SYT16: variants seen among roughly 807,000 people sequenced by gnomAD.
The protein encoded by SYT16 is synaptotagmin 16, also known as synaptotagmin-16.
In SYT16, 42 loss-of-function variants were observed where a neutral mutation model predicts 61.4. The ratio of observed to expected loss-of-function variants is 0.68; its 90% CI spans 0.53 to 0.89. SYT16 has a LOEUF of 0.89. Ranked by LOEUF, SYT16 falls within the 40% of genes least tolerant of loss-of-function variation. The probability of loss-of-function intolerance (pLI) is 0.00; values close to 1 mark genes in which losing one functional copy is unlikely to be tolerated. For synonymous variants in SYT16, 314 were observed against 302.3 expected (o/e 1.04, Z -0.40); for missense variants, 804 against 807.3 (o/e 1.00, Z 0.05).
At chr14:61,951,615 A>C (rs2761861) in intron 1 of SYT16, among the ~76,000 whole-genome samples, 54,154 of 151,856 alleles carry the variant, frequency 0.36, 10,556 homozygotes, top group African/African-American at 0.49. Flanking sequence ...AAGTAGACTT[A>C]TCTCTCAATC....
intron 1 of SYT16, among the ~76,000 whole-genome samples, chr14:61,878,253 G>A (rs888645152): frequency 6.6e-6 from 1 of 152,160 alleles, no homozygotes; most frequent in African/African-American, 2.4e-5. Flanking sequence ...TTCTCAGTAT[G>A]TTTTAAACAT....
Position 61,950,853 on chromosome 14 carries a change from C to T in SYT16, c.-324-19279C>T, listed in dbSNP as rs2050641842. 4.6e-5 allele frequency among the ~76,000 whole-genome samples: 7 copies of T among 152,096 alleles called. No individual in the cohort carries two copies. In the South Asian group the frequency reaches 1.2e-3, roughly 27 times the overall value. Reference sequence around the variant, plus strand: ...ACTTCTAGTAGAGAAATCTGAGAATCGATTAGAATCCCATCTGTTTTGGAA... The same window carrying T: ...ACTTCTAGTAGAGAAATCTGAGAATTGATTAGAATCCCATCTGTTTTGGAA... On this transcript the variant is annotated intron_variant, in intron 1 of 7. Transcript: ENST00000683842.
chr14:61,910,347 T>G (rs1482178604), intron 1 of SYT16, among the ~76,000 whole-genome samples: 2 of 151,302 alleles, frequency 1.3e-5, no homozygotes, highest in Non-Finnish European at 2.9e-5. Context: ...CAAGCAATTC[T>G]CCTGCCTCAG....
intron 3 of SYT16, among the ~76,000 whole-genome samples, chr14:62,019,986 AT>A (rs2053850332): frequency 6.6e-6 from 1 of 152,100 alleles, no homozygotes; most frequent in Non-Finnish European, 1.5e-5. Flanking sequence ...TCTTTTTTAA[AT>A]TTTTAAATAA....
chr14:61,971,960 G>A (rs865968978), intron 2 of SYT16, among the ~76,000 whole-genome samples: 8 of 152,222 alleles, frequency 5.3e-5, no homozygotes, highest in African/African-American at 1.9e-4. Context: ...GTGGTATGAA[G>A]GTAGGATTCA....
In SYT16 at chr14:62,079,923, G is replaced by A. The variant is rs556675166; in HGVS notation, c.994-911G>A. ...TTTGAGAATAGGTAGCACCAGTCCA[G>A]TGGTGGGAATAGATATTTATGCAGT... On this transcript the variant is annotated intron_variant, in intron 5 of 7. Transcript: ENST00000683842. 9.2e-5 allele frequency among the ~76,000 whole-genome samples: 14 copies of A among 152,322 alleles called. No homozygotes were observed. The South Asian group carries it at 2.7e-3, about 29-fold the overall frequency.
chr14:62,071,748 AAACATTGTTTTGT>A (rs1481993281), intron 4 of SYT16, among the ~76,000 whole-genome samples: 1 of 152,172 alleles, frequency 6.6e-6, no homozygotes, highest in African/African-American at 2.4e-5. Context: ...ATTCCACTGT[AAACATTGTTTTGT>A]AAGATCAAAT....
chr14:61,921,620 T>C (rs925182824), intron 1 of SYT16, among the ~76,000 whole-genome samples: 1 of 152,236 alleles, frequency 6.6e-6, no homozygotes. Context: ...GCTTCTGCTC[T>C]GAGCCCTGGT....
intron 6 of SYT16, among the ~76,000 whole-genome samples, chr14:62,081,924 A>G (rs1029301314): frequency 6.6e-6 from 1 of 152,138 alleles, no homozygotes; most frequent in Non-Finnish European, 1.5e-5. Flanking sequence ...TCATTCAGAG[A>G]TGTTTACTGT....
At chr14:62,036,807 G>A (rs1255528671) in intron 3 of SYT16, among the ~76,000 whole-genome samples, 1 of 152,090 alleles carries the variant, frequency 6.6e-6, no homozygotes, top group African/African-American at 2.4e-5. Flanking sequence ...ATGACACATG[G>A]GGATTATGGG....
chr14:61,856,098 G>A (rs901782607), intron 1 of SYT16, among the ~76,000 whole-genome samples: 4 of 152,250 alleles, frequency 2.6e-5, no homozygotes, highest in African/African-American at 9.6e-5. Flanking sequence ...CAGGAGGAGG[G>A]AGGTTAGAGA....
chr14:62,100,275 T>G (rs1356268462), intron 7 of SYT16, 119 bp from the exon 8 acceptor site: 1 of 833,778 alleles, frequency 1.2e-6, no homozygotes, highest in Non-Finnish European at 1.8e-6. Flanking sequence ...TTAAGGATAC[T>G]GATCAGTATG....
intron 7 of SYT16, among the ~76,000 whole-genome samples, chr14:62,096,418 C>A (rs549533606): frequency 1.1e-4 from 17 of 151,820 alleles, no homozygotes; most frequent in Non-Finnish European, 1.6e-4. Flanking sequence ...TCACTGAAAT[C>A]TTTTTAATTT....
intron 5 of SYT16, among the ~76,000 whole-genome samples, chr14:62,075,645 G>C (rs2056470676): frequency 6.7e-6 from 1 of 148,860 alleles, no homozygotes; most frequent in Non-Finnish European, 1.5e-5. Flanking sequence ...AAATAAGAAT[G>C]GTGGCAGAAT....
intron 1 of SYT16, among the ~76,000 whole-genome samples, chr14:61,926,626 G>C (rs1320339378): frequency 6.6e-6 from 1 of 152,202 alleles, no homozygotes; most frequent in African/African-American, 2.4e-5. Flanking sequence ...TATTGGTCTC[G>C]TGGGAGAATT....
chr14:62,085,333 C>T (rs1268558710), intron 7 of SYT16, among the ~76,000 whole-genome samples: 1 of 152,152 alleles, frequency 6.6e-6, no homozygotes, highest in Non-Finnish European at 1.5e-5. Context: ...TAATTTGGAT[C>T]TGGAATGCTA....
intron 1 of SYT16, among the ~76,000 whole-genome samples, chr14:61,814,282 G>C (rs1217827561): frequency 6.6e-6 from 1 of 152,042 alleles, no homozygotes; most frequent in Admixed American, 6.5e-5. Flanking sequence ...TCGTGTGTGT[G>C]TGTGTTTAGA....
At chr14:62,078,155 C>CTCTCTATATATATATATATATATATATA (rs766089633) in intron 5 of SYT16, among the ~76,000 whole-genome samples, 9 of 135,928 alleles carry the variant, frequency 6.6e-5, no homozygotes, top group African/African-American at 2.6e-4. Flanking sequence ...CTCTCTCTCT[C>CTCTCTATATATATATATATATATATATA]TATATATATA....
chr14:62,045,519 G>A (rs530147234), intron 3 of SYT16, among the ~76,000 whole-genome samples: 22 of 152,174 alleles, frequency 1.4e-4, no homozygotes, highest in Non-Finnish European at 2.5e-4. Flanking sequence ...TGTTACATAT[G>A]TATACATGTG....
Sources: gnomAD v4.1 joint callset for allele counts (sites outside exome capture counted in the v4.1 genomes callset) on GRCh38, gnomAD v4.1.1 for gene constraint, MANE v1.5 for transcripts, NCBI Gene and HGNC (gene_info 2026-07-23, HGNC 2026-07-21) for gene names.